Variants in POLK observed in about 807,000 individuals in gnomAD.
POLK encodes polymerase (DNA directed) kappa.
In POLK, 76 loss-of-function variants were observed where a neutral mutation model predicts 94.0. The observed-to-expected ratio is 0.81, with a 90% CI of 0.67 to 0.98. The LOEUF (loss-of-function observed/expected upper bound fraction) is 0.98. Ranked by LOEUF, POLK falls within the 50% of genes least tolerant of loss-of-function variation. The pLI is 0.00. For synonymous variants in POLK, 349 were observed against 325.4 expected, an observed-to-expected ratio of 1.07 and a Z score of -0.78; for missense variants, 954 against 1,010.1, an observed-to-expected ratio of 0.94 and a Z score of 0.75.
At chr5:75,586,489 C>A (rs574636210) in intron 9 of POLK, among the ~76,000 whole-genome samples, 1 of 152,216 alleles carries the variant, frequency 6.6e-6, no homozygotes, top group East Asian at 1.9e-4. Context: ...TTAACTAATC[C>A]TGTCAGAGCA....
chr5:75,553,219 A>G lies in POLK; in HGVS notation c.255+628A>G, dbSNP rs148704062. On this transcript the variant is annotated intron_variant, in intron 3 of 14. Transcript: ENST00000241436. Reference sequence around the variant, plus strand: ...AAGTTATTTCAGGAGAAAAGTTTGGAAATATCCAAGTTGCAGGGCACTGTG... The same window carrying G: ...AAGTTATTTCAGGAGAAAAGTTTGGGAATATCCAAGTTGCAGGGCACTGTG... Among the ~76,000 whole-genome samples, 315 of 152,282 alleles carry G rather than the reference A, an allele frequency of 2.1e-3. 1 individual carries two copies. In the East Asian group the frequency reaches 0.027, roughly 13 times the overall value.
intron 1 of POLK, among the ~76,000 whole-genome samples, chr5:75,545,497 A>AT (rs1201427534): frequency 1.3e-5 from 2 of 152,096 alleles, no homozygotes; most frequent in African/African-American, 2.4e-5. Context: ...TGAAGTTCTC[A>AT]TTTTTTTCTC....
At chr5:75,601,497 C>G (rs145008345), downstream of POLK, among the ~76,000 whole-genome samples, 83 of 152,242 alleles carry the variant, frequency 5.5e-4, 1 homozygote, top group African/African-American at 1.9e-3. Context: ...TCAGTGGGCT[C>G]AAGAAGCAGA....
chr5:75,552,362 T>C (rs1770375694), intron 2 of POLK, 110 bp from the exon 3 acceptor site: 1 of 1,010,324 alleles, frequency 9.9e-7, no homozygotes, highest in Non-Finnish European at 1.4e-6. Flanking sequence ...AGCTAAGTTT[T>C]AAATTTAATC....
intron 1 of POLK, among the ~76,000 whole-genome samples, chr5:75,528,526 G>A (rs930747610): frequency 2.0e-5 from 3 of 152,170 alleles, no homozygotes; most frequent in African/African-American, 4.8e-5. Context: ...TAAAATTAGA[G>A]TGTGGTGGAG....
At chr5:75,586,874 T>C in intron 9 of POLK, 152 bp from the exon 10 acceptor site, 1 of 570,566 alleles carries the variant, frequency 1.8e-6, no homozygotes, top group South Asian at 2.3e-5. Context: ...CTTTGGTGAT[T>C]TGTTTTTAGA....
At chr5:75,530,117 T>C (rs931771305) in intron 1 of POLK, among the ~76,000 whole-genome samples, 22 of 152,164 alleles carry the variant, frequency 1.4e-4, no homozygotes, top group Non-Finnish European at 1.9e-4. Flanking sequence ...AAAGCTGTTT[T>C]AGATGCTATG....
chr5:75,596,529 A>G (rs960970076), exon 13 of POLK: 1 of 1,614,030 alleles, frequency 6.2e-7, no homozygotes, highest in Non-Finnish European at 8.5e-7. Context: ...ATTTGGAAAT[A>G]TCAGAGAATT....
chr5:75,559,255 A>G (rs575998684), intron 3 of POLK, among the ~76,000 whole-genome samples: 1 of 152,298 alleles, frequency 6.6e-6, no homozygotes, highest in Admixed American at 6.5e-5. Context: ...AACTATTGCT[A>G]GTCGAGCTGA....
downstream of POLK, among the ~76,000 whole-genome samples, chr5:75,605,375 G>A (rs966486702): frequency 1.3e-5 from 2 of 152,112 alleles, no homozygotes; most frequent in Non-Finnish European, 2.9e-5. Flanking sequence ...ATGGTCTTGG[G>A]TGTCTATGGA....
At chr5:75,544,783 C>T (rs1429036948) in intron 1 of POLK, among the ~76,000 whole-genome samples, 1 of 152,170 alleles carries the variant, frequency 6.6e-6, no homozygotes, top group Non-Finnish European at 1.5e-5. Context: ...GAAATTATGA[C>T]TGAATTACAT....
chr5:75,592,701 C>T (rs1285413326), intron 11 of POLK, among the ~76,000 whole-genome samples: 6 of 132,680 alleles, frequency 4.5e-5, no homozygotes, highest in Non-Finnish European at 8.0e-5. Context: ...TCTAAAACAA[C>T]AAAAAAAAAA....
At chr5:75,583,505 TAA>T in intron 8 of POLK, 88 bp downstream of exon 8, 1 of 703,442 alleles carries the variant, frequency 1.4e-6, no homozygotes, top group Non-Finnish European at 2.2e-6. Flanking sequence ...ATTCTTTGCT[TAA>T]AAGTTTTAAA....
At chr5:75,570,540 T>C (rs1771537110) in intron 4 of POLK, among the ~76,000 whole-genome samples, 1 of 152,224 alleles carries the variant, frequency 6.6e-6, no homozygotes, top group South Asian at 2.1e-4. Context: ...ACCCTAGTTC[T>C]GGAATAACAT....
intron 2 of POLK, among the ~76,000 whole-genome samples, chr5:75,551,630 T>A (rs756263286): frequency 1.3e-5 from 2 of 152,146 alleles, no homozygotes; most frequent in Non-Finnish European, 2.9e-5. Context: ...TTATTAGTCA[T>A]CAGGGAAATA....
At chr5:75,597,281 A>C in intron 13 of POLK, 103 bp downstream of exon 13, 1 of 690,274 alleles carries the variant, frequency 1.4e-6, no homozygotes. Context: ...TTAAATGGGT[A>C]GTTTGTGTAT....
intron 1 of POLK, among the ~76,000 whole-genome samples, chr5:75,535,650 T>C (rs1312732752): frequency 6.6e-6 from 1 of 152,210 alleles, no homozygotes; most frequent in Non-Finnish European, 1.5e-5. Context: ...TTCAGTCTTC[T>C]TTATTGTTTT....
At chr5:75,540,917 G>A (rs1769705109) in intron 1 of POLK, among the ~76,000 whole-genome samples, 1 of 152,124 alleles carries the variant, frequency 6.6e-6, no homozygotes, top group Admixed American at 6.5e-5. Context: ...TTATTTCTGA[G>A]TTAAAGTTTT....
intron 1 of POLK, chr5:75,512,517 A>G (rs1768092915): frequency 6.6e-6 from 1 of 152,186 alleles, no homozygotes; most frequent in Non-Finnish European, 1.5e-5. Context: ...ATATATAGAA[A>G]CTTTCTCGTA....
Sources: gnomAD v4.1 joint callset for allele counts (sites outside exome capture counted in the v4.1 genomes callset) on GRCh38, gnomAD v4.1.1 for gene constraint, MANE v1.5 for transcripts, NCBI Gene and HGNC (gene_info 2026-07-23, HGNC 2026-07-21) for gene names.